Variants in SETD1B observed in about 807,000 individuals in gnomAD.
The protein encoded by SETD1B is histone-lysine N-methyltransferase SETD1B.
SETD1B carries 7 observed loss-of-function variants against 148.0 expected under a neutral mutation model. The observed-to-expected ratio is 0.05, with a 90% CI of 0.03 to 0.09. SETD1B has a LOEUF of 0.09. Among genes scored for constraint, SETD1B ranks in the 10% least tolerant of loss-of-function variants. The pLI is 1.00. For synonymous variants in SETD1B, 1,361 were observed against 1,186.5 expected (o/e 1.15, Z -3.02); for missense variants, 2,155 against 2,729.9 (o/e 0.79, Z 4.69).
intron 11 of SETD1B, 124 bp from the exon 12 acceptor site, chr12:121,822,366 A>G: frequency 4.3e-6 from 5 of 1,166,728 alleles, no homozygotes; most frequent in Non-Finnish European, 5.9e-6. Context: ...GTTTAGCTGG[A>G]GAAGGACAGG....
the SETD1B span, chr12:121,793,578 T>A: frequency 1.3e-6 from 2 of 1,553,246 alleles, no homozygotes; most frequent in Middle Eastern, 2.1e-4. Context: ...GATCTTCAGC[T>A]CCTTCCTGCC....
chr12:121,801,214 C>T (rs936952367), upstream of SETD1B: 2 of 152,260 alleles, frequency 1.3e-5, no homozygotes, highest in African/African-American at 4.8e-5. Context: ...AAAGTGGGCC[C>T]AAGGCTGGGC....
At position 121,805,966 on chromosome 12, in the gene SETD1B, G is replaced by T; in HGVS notation, c.405G>T (p.Leu135Phe). Reference protein sequence around the residue: ...KYGEVEEVEILYNPKTKKHLG... With the variant: ...KYGEVEEVEIFYNPKTKKHLG... ...GGGAGGTGGAGGAGGTGGAGATTTT[G>T]TACAACCCCAAGACCAAGAAGCACC... The change falls in exon 4 of 17, where the codon TTG becomes TTT. Residue 135 changes from leucine (L) to phenylalanine (F), a missense_variant. Coordinates refer to ENST00000604567, the MANE Select transcript of SETD1B (RefSeq NM_001353345.2). This position sits in a 1 kb window ranked among gnomAD's most constrained non-coding sequence, Gnocchi z 4.2. The T allele has an allele frequency of 1.3e-6, 2 of 1,551,668 alleles. No homozygotes were observed. Among genetic ancestry groups the T allele is most frequent in the Non-Finnish European group, 1.7e-6 (2 of 1,146,988 alleles).
rs901109447 is a variant in SETD1B at position 121,808,893 on chromosome 12, C to CAT, written c.657+574_657+575insTA. ...TTTTGTTTTATTTATTTTTTTGAGA[C>CAT]AGAGTCTCAGTCTGTCCCCAGGCTG... On this transcript the variant is annotated intron_variant, in intron 5 of 16. Transcript: ENST00000604567. The surrounding 1 kb of genome is among the most constrained non-coding windows in gnomAD (Gnocchi z 5.3). Among the ~76,000 whole-genome samples, 35 of 152,116 alleles carry CAT rather than the reference C, an allele frequency of 2.3e-4. 1 individual carries two copies. The highest frequency in any genetic ancestry group is 2.1e-4 in the South Asian group (1 of 4,824).
rs1804429729 is a variant in SETD1B at position 121,817,783 on chromosome 12, C to A, written c.3313-16C>A. ...ACCCTTCGGCTCACCTGTCCCCACT[C>A]TTCCTTCTCCCCCAGGATGACGACG... On this transcript the variant is annotated splice_polypyrimidine_tract_variant and intron_variant, in intron 9 of 16. Transcript: ENST00000604567. The surrounding 1 kb of genome is among the most constrained non-coding windows in gnomAD (Gnocchi z 8.1). The A allele has an allele frequency of 6.5e-7, 1 of 1,545,776 alleles. No homozygotes were observed.
In SETD1B at chr12:121,808,058, GA is replaced by G; in HGVS notation, c.545-149del. The G allele has an allele frequency of 1.7e-6, 1 of 593,932 alleles. No individual in the cohort carries two copies. Among genetic ancestry groups the G allele is most frequent in the Non-Finnish European group, 3.0e-6 (1 of 331,070 alleles). The allele number at this position is 593,932 out of a possible 1,614,324, so 36.8% of individuals were successfully genotyped here. A position where few individuals can be genotyped will look rare whatever the true frequency, so the allele number is the denominator to read the frequency against. On this transcript the variant is annotated intron_variant, in intron 4 of 16. Coordinates refer to ENST00000604567, the MANE Select transcript of SETD1B (RefSeq NM_001353345.2). This position sits in a 1 kb window ranked among gnomAD's most constrained non-coding sequence, Gnocchi z 5.3. ...AGGTGGGGACCCTGAGCGAGGTGCA[GA>G]GGGGTGGGAACTCAGGGCCACACAG...
chr12:121,810,723 G>A lies in SETD1B; in HGVS notation c.1778G>A (p.Arg593Gln), dbSNP rs370880603. The stretch of plus-strand genomic sequence containing the variant: ...GAGCTCGACCTGGGCCTTGGGCCTC[G>A]GCCTCCACCTGAGCCAGGCCCCCCG... ...DEELDLGLGP[R>Q]PPPEPGPPDP... The change falls in exon 6 of 17, where the codon CGG (arginine) becomes CAG (glutamine). Residue 593 changes from arginine to glutamine, a missense_variant. Physicochemically the swap from Arg to Gln is conservative, Grantham distance 43. Around this residue, in one of 11 missense-constraint regions of SETD1B, gnomAD observed 295 missense variants for 303.8 expected, o/e 0.97. Coordinates refer to ENST00000604567, the MANE Select transcript of SETD1B (RefSeq NM_001353345.2). This position sits in a 1 kb window ranked among gnomAD's most constrained non-coding sequence, Gnocchi z 7.6. 22 of 1,551,242 alleles carry A rather than the reference G, an allele frequency of 1.4e-5. No individual in the cohort carries two copies. The highest frequency in any genetic ancestry group is 1.2e-4 in the Admixed American group (6 of 50,976).
At chr12:121,790,222 T>C in the SETD1B span, among the ~76,000 whole-genome samples, 1 of 152,384 alleles carries the variant, frequency 6.6e-6, no homozygotes, top group Admixed American at 6.5e-5. Flanking sequence ...CGTTTGGTCC[T>C]GGGTGTGGAG....
chr12:121,814,180 C>G lies in SETD1B; in HGVS notation c.1965C>G (p.Asp655Glu). Reference sequence around the variant, plus strand: ...CCTCGGCCCCCATCACCAGCGCTGACTGCCCCAAGCCCATGGTGGTGACCC... The same window carrying G: ...CCTCGGCCCCCATCACCAGCGCTGAGTGCCCCAAGCCCATGGTGGTGACCC... ...EMPSAPITSA[D>E]CPKPMVVTPG... The change falls in exon 7 of 17, where the codon GAC becomes GAG. Residue 655 changes from aspartate (D) to glutamate (E), a missense_variant. Transcript: ENST00000604567. 2 of 1,547,356 alleles carry G rather than the reference C, an allele frequency of 1.3e-6. No homozygotes were observed. The highest frequency in any genetic ancestry group is 1.7e-6 in the Non-Finnish European group (2 of 1,146,602).
chr12:121,797,763 CG>C, the SETD1B span: 1 of 362,956 alleles, frequency 2.8e-6, no homozygotes, highest in Non-Finnish European at 5.5e-6. Flanking sequence ...CAGAGGGTAA[CG>C]TGAGAGCAAC....
Position 121,814,995 on chromosome 12 carries a change from C to T in SETD1B, c.2715+65C>T. On this transcript the variant is annotated intron_variant, in intron 7 of 16. Transcript: ENST00000604567. ...AGGGGGGCAGGTCCCCAGCCGGGCA[C>T]CTCCTCTTTCCCTGAGACTGTTAAC... 2.2e-6 allele frequency: 3 copies of T among 1,386,502 alleles called. No individual in the cohort carries two copies. In the South Asian group the frequency reaches 4.2e-5, roughly 19 times the overall value. 85.9% of individuals were successfully genotyped at this position (1,386,502 alleles called of 1,614,324 possible).
upstream of SETD1B, chr12:121,800,768 C>T (rs1875306543): frequency 6.7e-6 from 1 of 148,594 alleles, no homozygotes; most frequent in Admixed American, 6.7e-5. Context: ...GCGCGCGACG[C>T]CCCCGAGGCC....
chr12:121,803,693 CG>C (rs1302301718), upstream of SETD1B: 3 of 152,126 alleles, frequency 2.0e-5, no homozygotes, highest in African/African-American at 7.2e-5. The surrounding 1 kb of genome is among the most constrained non-coding windows in gnomAD (Gnocchi z 4.7). Flanking sequence ...ACGCACGCCG[CG>C]GCGGTCGCGG....
the SETD1B span, chr12:121,795,605 G>A: frequency 2.0e-5 from 3 of 152,434 alleles, no homozygotes; most frequent in African/African-American, 7.2e-5. Context: ...CAGAAGCAGA[G>A]CAACCCAGCT....
Position 121,822,658 on chromosome 12 carries a change from C to A in SETD1B, c.4079C>A (p.Pro1360His). 3 of 1,550,674 alleles carry A rather than the reference C, an allele frequency of 1.9e-6. No homozygotes were observed. Among genetic ancestry groups the A allele is most frequent in the Non-Finnish European group, 2.6e-6 (3 of 1,146,320 alleles). ...VPPEPLAEDH[P>H]PHTPGLCGSL... ...CCGGAGCCCCTTGCCGAGGACCACC[C>A]CCCGCATACTCCAGGCCTCTGTGGC... The change falls in exon 12 of 17, where the codon CCC becomes CAC. Residue 1360 changes from proline to histidine, a missense_variant. By Grantham distance (77) the Pro-to-His change is moderately conservative. Coordinates refer to ENST00000604567, the MANE Select transcript of SETD1B (RefSeq NM_001353345.2).
At chr12:121,828,112 C>T (rs541736126) in intron 16 of SETD1B, 42 bp downstream of exon 16, 43 of 1,544,880 alleles carry the variant, frequency 2.8e-5, no homozygotes, top group South Asian at 1.7e-4. Flanking sequence ...CTGCTCCTGC[C>T]CCTGGCCCTG....
rs770426488 is a variant in SETD1B at position 121,804,759 on chromosome 12, C to A, written c.22C>A (p.His8Asn). 12 of 1,546,644 alleles carry A rather than the reference C, an allele frequency of 7.8e-6. 1 individual carries two copies. The Admixed American group carries it at 1.2e-4, about 15-fold the overall frequency. MENSHPPHHHHQQPPPQP... is the reference protein window; with the variant it reads MENSHPPNHHHQQPPPQP... ...CGGCATGGAGAACAGTCACCCCCCC[C>A]ACCACCACCACCAGCAGCCCCCGCC... Residue 8 changes from histidine (H) to asparagine (N), a missense_variant, in exon 2 of 17, where the codon CAC becomes AAC. Transcript: ENST00000604567. The surrounding 1 kb of genome is among the most constrained non-coding windows in gnomAD (Gnocchi z 4.6).
the SETD1B span, chr12:121,793,053 C>T: frequency 9.4e-7 from 1 of 1,060,504 alleles, no homozygotes. Context: ...AAGGCCCTGC[C>T]AAGGCTGCAG....
Position 121,814,740 on chromosome 12 carries a change from C to T in SETD1B, c.2525C>T (p.Pro842Leu). ...TGGCCACCACTGCCCAAGTTTGACC[C>T]GTCAGTGCCTCCACCAGGCTACATG... ...QHWPPLPKFD[P>L]SVPPPGYMPR... Residue 842 changes from proline (P) to leucine (L), a missense_variant, in exon 7 of 17, where the codon CCG (proline) becomes CTG (leucine). Transcript: ENST00000604567. The T allele has an allele frequency of 1.3e-6, 2 of 1,551,186 alleles. No individual in the cohort carries two copies. Among genetic ancestry groups the T allele is most frequent in the Non-Finnish European group, 1.7e-6 (2 of 1,146,978 alleles).
Sources: gnomAD v4.1 joint callset for allele counts (sites outside exome capture counted in the v4.1 genomes callset) on GRCh38, gnomAD v4.1.1 for gene constraint, gnomAD v4.1.1 regional missense constraint, Gnocchi (gnomAD v3.1) non-coding constraint, MANE v1.5 for transcripts, NCBI Gene and HGNC (gene_info 2026-07-23, HGNC 2026-07-21) for gene names.